The following IL16 variants were observed in gnomAD, a reference collection of about 807,000 sequenced individuals.
The protein encoded by IL16 is interleukin 16, also known as pro-interleukin-16.
In IL16, 67 loss-of-function variants were observed where a neutral mutation model predicts 110.1. That is an observed-to-expected ratio of 0.61 (90% CI 0.50 to 0.75). IL16 has a LOEUF of 0.75. Among genes scored for constraint, IL16 ranks in the 30% least tolerant of loss-of-function variants. IL16 has a pLI of 0.00. For missense variants in IL16, 1,545 were observed against 1,655.0 expected (o/e 0.93, Z 1.15); for synonymous variants, 689 against 662.9 (o/e 1.04, Z -0.61).
Position 81,307,520 on chromosome 15 carries a change from C to A in IL16, c.3805+975C>A, listed in dbSNP as rs185987662. 2.6e-3 allele frequency among the ~76,000 whole-genome samples: 389 copies of A among 152,316 alleles called. 4 individuals are homozygous for A. Among genetic ancestry groups the A allele is most frequent in the African/African-American group, 8.9e-3 (371 of 41,554 alleles). ...GCTTACATGGCATTCCCCCCAGAAT[C>A]CATGTTAACCCCAATTCTGGGAAAG... On this transcript the variant is annotated intron_variant, in intron 18 of 18. Coordinates refer to ENST00000683961, the MANE Select transcript of IL16 (RefSeq NM_172217.5).
chr15:81,245,724 C>CTTTTTTTTTTTTTTTTTTT lies in IL16; in HGVS notation c.313-14042_313-14024dup, dbSNP rs1009292228. On this transcript the variant is annotated intron_variant, in intron 2 of 18. Coordinates refer to ENST00000683961, the MANE Select transcript of IL16 (RefSeq NM_172217.5). ...TAGAGAGATCAGACTTTTGTTTTGG[C>CTTTTTTTTTTTTTTTTTTT]TTTTTTTTTTTTTTTTTTTTTTTTG... 2.0e-4 allele frequency among the ~76,000 whole-genome samples: 12 copies of CTTTTTTTTTTTTTTTTTTT among 61,270 alleles called. 1 individual carries two copies. Among genetic ancestry groups the CTTTTTTTTTTTTTTTTTTT allele is most frequent in the Non-Finnish European group, 2.7e-4 (9 of 33,838 alleles). The allele number at this position is 61,270 out of a possible 152,430, so 40.2% of individuals were successfully genotyped here. A position where few individuals can be genotyped will look rare whatever the true frequency, so the allele number is the denominator to read the frequency against.
At chr15:81,225,222 C>T in intron 1 of IL16, 77 bp from the exon 2 acceptor site, 1 of 1,242,426 alleles carries the variant, frequency 8.0e-7, no homozygotes. Context: ...ACCCGTGGCT[C>T]AGATCCAGGA....
At chr15:81,258,204 C>A (rs1210992292) in intron 2 of IL16, among the ~76,000 whole-genome samples, 2 of 152,128 alleles carry the variant, frequency 1.3e-5, no homozygotes, top group Non-Finnish European at 2.9e-5. Context: ...TATCCCTATA[C>A]CCATCCCTAA....
intron 17 of IL16, 89 bp downstream of exon 17, chr15:81,306,255 G>C (rs1900552533): frequency 1.3e-6 from 2 of 1,540,232 alleles, no homozygotes; most frequent in Admixed American, 1.8e-5. Flanking sequence ...TCAGTAATTT[G>C]TGACCCCAAG....
chr15:81,220,913 G>T (rs1321307533), intron 1 of IL16, among the ~76,000 whole-genome samples: 1 of 152,126 alleles, frequency 6.6e-6, no homozygotes, highest in East Asian at 1.9e-4. Flanking sequence ...TAAAGGAGAG[G>T]AACTATCCAT....
At chr15:81,212,293 G>T (rs1896277321) in intron 1 of IL16, among the ~76,000 whole-genome samples, 1 of 151,984 alleles carries the variant, frequency 6.6e-6, no homozygotes, top group South Asian at 2.1e-4. Context: ...GCATAGATTT[G>T]TTCACAGTAT....
Position 81,299,996 on chromosome 15 carries a change from G to T in IL16, c.2670G>T (p.Gly890=). 6.3e-7 allele frequency: 1 copy of T among 1,592,162 alleles called. No homozygotes were observed. The highest frequency in any genetic ancestry group is 2.2e-5 in the East Asian group (1 of 44,630). Residue 890 remains glycine, a synonymous_variant, in exon 14 of 19, where the codon GGG becomes GGT. Transcript: ENST00000683961. ...GGTTTTCTGGACTCTTGGGGCGAGGGGCTGCACCCACTCTTGTGCCCCAGC... is the reference window on the plus strand; with the variant it reads ...GGTTTTCTGGACTCTTGGGGCGAGGTGCTGCACCCACTCTTGTGCCCCAGC... ...EGRFSGLLGR[G]AAPTLVPQQP... is the part of the protein sequence containing the mutation.
chr15:81,184,615 A>G lies in IL16; in HGVS notation c.40+1719A>G, dbSNP rs761190898. Among the ~76,000 whole-genome samples the G allele has an allele frequency of 4.3e-4, 66 of 152,166 alleles. 1 individual carries two copies. Among genetic ancestry groups the G allele is most frequent in the Non-Finnish European group, 7.6e-4 (52 of 68,032 alleles). ...ACTTATGTCAGCTGTGGGAATGAAC[A>G]CCTCGGTCCAGGGGTGAGGAGCTTA... On this transcript the variant is annotated intron_variant, in intron 1 of 18. Transcript: ENST00000302987.
Position 81,301,501 on chromosome 15 carries a change from G to T in IL16, c.3307G>T (p.Ala1103Ser). 6.2e-7 allele frequency: 1 copy of T among 1,611,978 alleles called. No homozygotes were observed. Among genetic ancestry groups the T allele is most frequent in the Non-Finnish European group, 8.5e-7 (1 of 1,179,468 alleles). Residue 1103 changes from alanine (A) to serine (S), a missense_variant, in exon 15 of 19, where the codon GCA becomes TCA. By Grantham distance (99) the Ala-to-Ser change is moderately conservative. This residue lies in a region of IL16 where 356 missense variants were observed against 399.3 expected (regional missense o/e 0.89). Transcript: ENST00000683961. ...LIEEVKVLDE[A>S]TLKQLDGIHV... ...CGAGGAGGTGAAGGTTCTGGATGAAGCAACATTAAAGGTAGGTTTCCTTTG... is the reference window on the plus strand; with the variant it reads ...CGAGGAGGTGAAGGTTCTGGATGAATCAACATTAAAGGTAGGTTTCCTTTG...
rs1372840016 is a variant in IL16, at chr15:81,312,699, CATT to C, written c.*3905_*3907del. 2.0e-5 allele frequency: 3 copies of C among 152,214 alleles called. No homozygotes were observed. The highest frequency in any genetic ancestry group is 2.0e-4 in the Admixed American group (3 of 15,286). The allele number at this position is 152,214 out of a possible 1,614,324, so 9.4% of individuals were successfully genotyped here. On this transcript the variant is annotated 3_prime_UTR_variant, in exon 19 of 19. Coordinates refer to ENST00000683961, the MANE Select transcript of IL16 (RefSeq NM_172217.5). ...CTTAATGCTTATCCTGTTTTTAAAC[CATT>C]ATTTCCAAGTTGACACCTTTTTTAA... is the stretch of plus-strand genomic sequence containing the variant.
At chr15:81,272,210 C>T (rs1003641281) in intron 5 of IL16, among the ~76,000 whole-genome samples, 7 of 152,216 alleles carry the variant, frequency 4.6e-5, no homozygotes, top group Admixed American at 1.3e-4. Context: ...CCCTCTAGGG[C>T]GGCATGGGGT....
chr15:81,193,109 G>A (rs1000283559), upstream of IL16, among the ~76,000 whole-genome samples: 5 of 152,144 alleles, frequency 3.3e-5, no homozygotes, highest in Non-Finnish European at 7.3e-5. Context: ...ATGCACTTGG[G>A]CAGGGACAGA....
chr15:81,189,147 G>A (rs559892768), intron 1 of IL16, among the ~76,000 whole-genome samples: 12 of 144,604 alleles, frequency 8.3e-5, no homozygotes, highest in Admixed American at 2.8e-4. Context: ...TTTTTGAGAC[G>A]GAGTCTCACT....
chr15:81,282,898 AC>A, intron 9 of IL16, 142 bp downstream of exon 9: 1 of 763,106 alleles, frequency 1.3e-6, no homozygotes, highest in Non-Finnish European at 2.3e-6. Context: ...CCGCCAGGAC[AC>A]CCCCTGTTGT....
Position 81,225,418 on chromosome 15 carries a change from G to T in IL16, c.19G>T (p.Ala7Ser), listed in dbSNP as rs750324638. The change falls in exon 2 of 19, where the codon GCT becomes TCT. Residue 7 changes from alanine (A) to serine (S), a missense_variant. Ala to Ser is a moderately conservative substitution (Grantham distance 99, BLOSUM62 1). Transcript: ENST00000683961. ...TTTGAGGATGGAGTCGCACAGCCGC[G>T]CTGGAAAGAGCAGAAAATCTGCAAA... is the stretch of plus-strand genomic sequence containing the variant. MESHSR[A>S]GKSRKSAKFR... is the part of the protein sequence containing the mutation. 3.7e-6 allele frequency: 6 copies of T among 1,614,014 alleles called. No homozygotes were observed. Among genetic ancestry groups the T allele is most frequent in the East Asian group, 4.5e-5 (2 of 44,866 alleles).
chr15:81,185,027 C>A (rs1895398004), intron 1 of IL16, among the ~76,000 whole-genome samples: 1 of 152,058 alleles, frequency 6.6e-6, no homozygotes, highest in Non-Finnish European at 1.5e-5. Context: ...GGGACTTGGC[C>A]CCTGTCAGCA....
intron 5 of IL16, among the ~76,000 whole-genome samples, chr15:81,270,813 G>A (rs1385912389): frequency 6.6e-6 from 1 of 152,182 alleles, no homozygotes; most frequent in Admixed American, 6.5e-5. Flanking sequence ...ATCTTTATGA[G>A]GCCGGGGGGT....
intron 1 of IL16, among the ~76,000 whole-genome samples, chr15:81,223,795 A>G (rs1394442600): frequency 6.6e-6 from 1 of 152,206 alleles, no homozygotes; most frequent in East Asian, 1.9e-4. Context: ...GTTTCATGAT[A>G]CCAATCTGTT....
chr15:81,300,508 T>A (rs752464340), intron 14 of IL16, 33 bp downstream of exon 14: 1 of 1,364,468 alleles, frequency 7.3e-7, no homozygotes, highest in Admixed American at 2.1e-5. Context: ...TCTCTTTACC[T>A]TTCTCATCTT....
Sources: allele counts gnomAD v4.1 joint callset (sites outside exome capture counted in the v4.1 genomes callset), GRCh38; gene constraint gnomAD v4.1.1; regional missense constraint gnomAD v4.1.1; transcripts MANE v1.5; gene names NCBI Gene and HGNC (gene_info 2026-07-23, HGNC 2026-07-21).